Variants in ASXL1 observed in about 807,000 individuals in gnomAD.
ASXL1 encodes polycomb group protein ASXL1.
A neutral mutation model predicts 89.1 loss-of-function variants in ASXL1; 65 were observed. The observed-to-expected ratio is 0.73, with a 90% CI of 0.60 to 0.90. The LOEUF (loss-of-function observed/expected upper bound fraction) is 0.90, where lower values mean the gene tolerates loss of function less well. Ranked by LOEUF, ASXL1 falls within the 40% of genes least tolerant of loss-of-function variation. ASXL1 has a pLI of 0.00. For missense variants in ASXL1, 1,786 were observed against 1,942.9 expected (o/e 0.92, Z 1.52); for synonymous variants, 739 against 746.9 (o/e 0.99, Z 0.17).
chr20:32,366,215 T>G (rs1192091799), intron 1 of ASXL1, among the ~76,000 whole-genome samples, 169 bp from the exon 2 acceptor site: 1 of 152,178 alleles, frequency 6.6e-6, no homozygotes, highest in Non-Finnish European at 1.5e-5. Context: ...TGCAGTAACT[T>G]TTCAGTAACT....
At chr20:32,434,092 C>A in intron 12 of ASXL1, 175 bp downstream of exon 12, 3 of 967,942 alleles carry the variant, frequency 3.1e-6, no homozygotes, top group Non-Finnish European at 4.5e-6. Context: ...TCTTTTCTTC[C>A]TCACTTTTTT....
chr20:32,429,577 C>CAT lies in ASXL1; in HGVS notation c.565+148_565+149dup. On this transcript the variant is annotated intron_variant, in intron 7 of 12. Coordinates refer to ENST00000375687, the MANE Select transcript of ASXL1 (RefSeq NM_015338.6). This position sits in a 1 kb window ranked among gnomAD's most constrained non-coding sequence, Gnocchi z 4.9. Reference sequence around the variant, plus strand: ...AGCCCTGCCAATGGATGAGGCCTGCCATAGGTTCTAGTGCTGGGCTCTGCT... The same window carrying CAT: ...AGCCCTGCCAATGGATGAGGCCTGCCATATAGGTTCTAGTGCTGGGCTCTGCT... 1.1e-6 allele frequency: 1 copy of CAT among 888,178 alleles called. No individual in the cohort carries two copies. Among genetic ancestry groups the CAT allele is most frequent in the Non-Finnish European group, 1.8e-6 (1 of 548,214 alleles). 55.0% of individuals were successfully genotyped at this position (888,178 alleles called of 1,614,324 possible).
rs71187113 is a variant in ASXL1 at position 32,379,161 on chromosome 20, C to CTT, written c.252+10078_252+10079dup. 8.1e-4 allele frequency among the ~76,000 whole-genome samples: 50 copies of CTT among 61,792 alleles called. 4 individuals carry two copies. Among genetic ancestry groups the CTT allele is most frequent in the African/African-American group, 1.2e-3 (17 of 14,476 alleles). The allele number at this position is 61,792 out of a possible 152,430, so 40.5% of individuals were successfully genotyped here. On this transcript the variant is annotated intron_variant, in intron 4 of 12. Transcript: ENST00000375687. ...ACTCACTGTCAGGTATAACTTCAGT[C>CTT]TTTTTTTTTTTTTTTTTTTTTTTTT...
intron 4 of ASXL1, among the ~76,000 whole-genome samples, chr20:32,423,075 A>G (rs1331306491): frequency 6.6e-6 from 1 of 152,150 alleles, no homozygotes; most frequent in Non-Finnish European, 1.5e-5. Context: ...TGAAAAGTCA[A>G]TTATGTCAAA....
chr20:32,405,525 G>A (rs1359876099), intron 4 of ASXL1, among the ~76,000 whole-genome samples: 1 of 152,160 alleles, frequency 6.6e-6, no homozygotes, highest in African/African-American at 2.4e-5. Flanking sequence ...TTTCATTAAA[G>A]TTTAGCTAAT....
Position 32,436,453 on chromosome 20 carries a change from T to G in ASXL1, c.3741T>G (p.Arg1247=), listed in dbSNP as rs1296646966. The G allele has an allele frequency of 6.2e-7, 1 of 1,613,988 alleles. No individual in the cohort carries two copies. The highest frequency in any genetic ancestry group is 2.2e-5 in the East Asian group (1 of 44,894). ...SFSCEDQKEV[R]AMSQDSNSNA... ...GTTGTGAAGATCAGAAGGAAGTCCG[T>G]GCTATGTCACAGGACAGTAATTCAA... is the stretch of plus-strand genomic sequence containing the variant. Residue 1247 remains arginine (R), a synonymous_variant, in exon 13 of 13, where the codon CGT becomes CGG. Transcript: ENST00000375687.
chr20:32,396,216 T>C (rs2048760403), intron 4 of ASXL1, among the ~76,000 whole-genome samples: 1 of 152,176 alleles, frequency 6.6e-6, no homozygotes, highest in African/African-American at 2.4e-5. Flanking sequence ...TTTGGGTCTG[T>C]TTTTATGTAT....
intron 4 of ASXL1, among the ~76,000 whole-genome samples, chr20:32,375,106 G>A (rs192822834): frequency 9.9e-5 from 15 of 152,274 alleles, no homozygotes; most frequent in African/African-American, 2.9e-4. Context: ...CTCCCAAAGT[G>A]CTGGGATTAC....
Position 32,411,215 on chromosome 20 carries a change from C to CTTTTT in ASXL1, c.253-16891_253-16887dup, listed in dbSNP as rs71187118. ...TTTATTCGTTGTGAATTTATGGATTCTTTTTTTTTTTTTTTTTTTTTTTTT... is the reference window on the plus strand; with the variant it reads ...TTTATTCGTTGTGAATTTATGGATTCTTTTTTTTTTTTTTTTTTTTTTTTTTTTTT... On this transcript the variant is annotated intron_variant, in intron 4 of 12. Coordinates refer to ENST00000375687, the MANE Select transcript of ASXL1 (RefSeq NM_015338.6). Among the ~76,000 whole-genome samples the CTTTTT allele has an allele frequency of 7.9e-4, 42 of 53,394 alleles. 9 individuals are homozygous for CTTTTT. The highest frequency in any genetic ancestry group is 0.017 in the Middle Eastern group (1 of 58). 35.0% of individuals were successfully genotyped at this position (53,394 alleles called of 152,430 possible).
intron 4 of ASXL1, among the ~76,000 whole-genome samples, chr20:32,371,522 A>G (rs1028098932): frequency 6.6e-6 from 1 of 152,126 alleles, no homozygotes; most frequent in Non-Finnish European, 1.5e-5. Context: ...CCTGGGGTCA[A>G]GCGATCCACT....
At chr20:32,396,818 C>T (rs2048770125) in intron 4 of ASXL1, among the ~76,000 whole-genome samples, 1 of 152,116 alleles carries the variant, frequency 6.6e-6, no homozygotes, top group Non-Finnish European at 1.5e-5. Context: ...TTTGTTTATA[C>T]ATGAGGTCAC....
rs368407827 is a variant in ASXL1 at position 32,436,502 on chromosome 20, G to A, written c.3790G>A (p.Gly1264Arg). 3.1e-6 allele frequency: 5 copies of A among 1,614,194 alleles called. No homozygotes were observed. Among genetic ancestry groups the A allele is most frequent in the East Asian group, 4.5e-5 (2 of 44,884 alleles). ...AAATGCTGCTCCAGGAAAGAGCCCA[G>A]GAGATCTTACTACCTCGAGAACACC... ...NSNAAPGKSPGDLTTSRTPRF... is the reference protein window; with the variant it reads ...NSNAAPGKSPRDLTTSRTPRF... Residue 1264 changes from glycine to arginine, a missense_variant, in exon 13 of 13, where the codon GGA (glycine) becomes AGA (arginine). This residue lies in a region of ASXL1 where 1,418 missense variants were observed against 1,427.8 expected (regional missense o/e 0.99). Coordinates refer to ENST00000375687, the MANE Select transcript of ASXL1 (RefSeq NM_015338.6).
chr20:32,420,040 CTTT>C (rs35002363), intron 4 of ASXL1, among the ~76,000 whole-genome samples: 6 of 144,592 alleles, frequency 4.1e-5, no homozygotes, highest in Non-Finnish European at 3.0e-5. Flanking sequence ...TTGATTTTTC[CTTT>C]TTTTTTTTTT....
At chr20:32,400,108 A>G (rs896520612) in intron 4 of ASXL1, among the ~76,000 whole-genome samples, 1 of 151,768 alleles carries the variant, frequency 6.6e-6, no homozygotes, top group African/African-American at 2.4e-5. Context: ...GGTTTAAAAA[A>G]AAATCTTTCC....
At chr20:32,433,191 G>A in intron 11 of ASXL1, 93 bp from the exon 12 acceptor site, 2 of 1,578,662 alleles carry the variant, frequency 1.3e-6, no homozygotes, top group Non-Finnish European at 1.7e-6. Context: ...ATTTTGTTCT[G>A]AGATATCTGT....
In ASXL1 at chr20:32,376,262, A is replaced by T. The variant is rs936587324; in HGVS notation, c.252+7139A>T. Reference sequence around the variant, plus strand: ...TTTTATTTTATTTTATTTTATTTTAATTTTATTTTGTGTTGTGTTGTGTTA... The same window carrying T: ...TTTTATTTTATTTTATTTTATTTTATTTTTATTTTGTGTTGTGTTGTGTTA... On this transcript the variant is annotated intron_variant, in intron 4 of 12. Coordinates refer to ENST00000375687, the MANE Select transcript of ASXL1 (RefSeq NM_015338.6). Among the ~76,000 whole-genome samples, 8 of 148,068 alleles carry T rather than the reference A, an allele frequency of 5.4e-5. No homozygotes were observed. In the East Asian group the frequency reaches 9.7e-4, roughly 18 times the overall value.
intron 1 of ASXL1, among the ~76,000 whole-genome samples, chr20:32,364,604 T>C (rs537478109): frequency 6.6e-6 from 1 of 152,306 alleles, no homozygotes; most frequent in South Asian, 2.1e-4. Flanking sequence ...GGCACGATCA[T>C]AGTGCACTAG....
At chr20:32,388,324 A>G (rs956845180) in intron 4 of ASXL1, among the ~76,000 whole-genome samples, 2 of 151,972 alleles carry the variant, frequency 1.3e-5, no homozygotes, top group Non-Finnish European at 2.9e-5. Context: ...GCAGGCATGC[A>G]CCACCATGCC....
intron 4 of ASXL1, among the ~76,000 whole-genome samples, chr20:32,373,750 C>A (rs1333618438): frequency 6.6e-6 from 1 of 151,824 alleles, no homozygotes; most frequent in African/African-American, 2.4e-5. Context: ...GCCTGTAATT[C>A]CAGGTACTTG....
Sources: allele counts gnomAD v4.1 joint callset (sites outside exome capture counted in the v4.1 genomes callset), GRCh38; gene constraint gnomAD v4.1.1; regional missense constraint gnomAD v4.1.1; non-coding constraint Gnocchi (gnomAD v3.1); transcripts MANE v1.5; gene names NCBI Gene and HGNC (gene_info 2026-07-23, HGNC 2026-07-21).